The following CTBS variants were observed in gnomAD, a reference collection of about 807,000 sequenced individuals.
The protein encoded by CTBS is chitobiase.
A neutral mutation model predicts 44.3 loss-of-function variants in CTBS; 35 were observed. The ratio of observed to expected loss-of-function variants is 0.79; its 90% CI spans 0.60 to 1.05. The LOEUF is 1.05. Ranked by LOEUF, CTBS falls within the 50% of genes least tolerant of loss-of-function variation. The pLI, the probability that CTBS is intolerant of heterozygous loss-of-function variation, is 0.00. For missense variants in CTBS, 458 were observed against 475.3 expected (o/e 0.96, Z 0.34); for synonymous variants, 143 against 168.0 (o/e 0.85, Z 1.15).
chr1:84,563,873 A>G lies in CTBS; in HGVS notation c.698-41T>C, dbSNP rs553181274. 16 of 1,585,444 alleles carry G rather than the reference A, an allele frequency of 1.0e-5. No homozygotes were observed. In the African/African-American group the frequency reaches 1.6e-4, roughly 16 times the overall value. On this transcript the variant is annotated intron_variant, in intron 4 of 6. Coordinates refer to ENST00000370630, the MANE Select transcript of CTBS (RefSeq NM_004388.3). ...AGAAAAAGCATATTTGTTTCTCTTC[A>G]TATGTCAATGTGTTCATACAAGCTA...
chr1:84,567,720 T>C (rs1042150693), intron 3 of CTBS, among the ~76,000 whole-genome samples: 7 of 152,092 alleles, frequency 4.6e-5, no homozygotes, highest in Non-Finnish European at 1.0e-4. Flanking sequence ...TTTAAAAACC[T>C]TGGGGCCATT....
intron 4 of CTBS, among the ~76,000 whole-genome samples, chr1:84,565,585 G>A (rs1310496999): frequency 6.6e-6 from 1 of 152,120 alleles, no homozygotes; most frequent in Non-Finnish European, 1.5e-5. Context: ...ATGCAATCAT[G>A]AGCAGTTAAT....
In CTBS at chr1:84,550,476, C is replaced by T; in HGVS notation, c.*4523G>A. ...TCACTGAGGTACAGCATGCAATTGA[C>T]CAGCTTAAGAGAAAACTAGATACTG... On this transcript the variant is annotated 3_prime_UTR_variant, in exon 7 of 7. Transcript: ENST00000370630. 6.4e-7 allele frequency: 1 copy of T among 1,567,480 alleles called. No homozygotes were observed. Among genetic ancestry groups the T allele is most frequent in the South Asian group, 1.2e-5 (1 of 83,102 alleles).
At chr1:84,561,728 A>G (rs761579026) in intron 6 of CTBS, among the ~76,000 whole-genome samples, 6 of 152,190 alleles carry the variant, frequency 3.9e-5, no homozygotes, top group Non-Finnish European at 7.3e-5. Context: ...GCAGCCATCA[A>G]TGACAAGGCA....
At chr1:84,563,867 C>G in intron 4 of CTBS, 35 bp from the exon 5 acceptor site, 1 of 1,590,686 alleles carries the variant, frequency 6.3e-7, no homozygotes, top group South Asian at 1.2e-5. Context: ...ATATTTGTTT[C>G]TCTTCATATG....
At chr1:84,565,772 A>G (rs1429236453) in intron 4 of CTBS, 69 bp downstream of exon 4, 1 of 889,272 alleles carries the variant, frequency 1.1e-6, no homozygotes, top group Non-Finnish European at 1.5e-6. Context: ...AATACTAAAA[A>G]CATCTTAATA....
Position 84,551,303 on chromosome 1 carries a change from C to A in CTBS, c.*3696G>T. 1.0e-6 allele frequency: 1 copy of A among 974,932 alleles called. No individual in the cohort carries two copies. The highest frequency in any genetic ancestry group is 1.2e-6 in the Non-Finnish European group (1 of 820,750). The allele number at this position is 974,932 out of a possible 1,614,324, so 60.4% of individuals were successfully genotyped here. Reference sequence around the variant, plus strand: ...AATAATGACTGCATTCTAGAATTAGCTCTTTTTAAAAAAATTTTAAAAAGA... The same window carrying A: ...AATAATGACTGCATTCTAGAATTAGATCTTTTTAAAAAAATTTTAAAAAGA... On this transcript the variant is annotated 3_prime_UTR_variant, in exon 7 of 7. Coordinates refer to ENST00000370630, the MANE Select transcript of CTBS (RefSeq NM_004388.3).
intron 6 of CTBS, among the ~76,000 whole-genome samples, chr1:84,558,132 T>G (rs1392920765): frequency 6.6e-6 from 1 of 152,088 alleles, no homozygotes; most frequent in African/African-American, 2.4e-5. Flanking sequence ...ATGTTGAAAA[T>G]TCCTAAGAGA....
chr1:84,561,203 A>C (rs1478995622), intron 6 of CTBS, among the ~76,000 whole-genome samples: 24 of 152,216 alleles, frequency 1.6e-4, no homozygotes. Context: ...TCAAAATATC[A>C]ACATTAACAG....
At position 84,550,672 on chromosome 1, in the gene CTBS, T is replaced by C; in HGVS notation, c.*4327A>G. 8.2e-6 allele frequency: 10 copies of C among 1,214,734 alleles called. No homozygotes were observed. Among genetic ancestry groups the C allele is most frequent in the Non-Finnish European group, 1.0e-5 (10 of 967,802 alleles). 75.2% of individuals were successfully genotyped at this position (1,214,734 alleles called of 1,614,324 possible). ...ATTGTTACCTTAACAGTAAAGAGCA[T>C]AGGTGAAAAAAAAAATGCAGGAAGA... On this transcript the variant is annotated 3_prime_UTR_variant, in exon 7 of 7. Coordinates refer to ENST00000370630, the MANE Select transcript of CTBS (RefSeq NM_004388.3).
In CTBS at chr1:84,570,136, T is replaced by G. The variant is rs1558631867; in HGVS notation, c.320A>C (p.Asp107Ala). 3 of 1,608,288 alleles carry G rather than the reference T, an allele frequency of 1.9e-6. No homozygotes were observed. Among genetic ancestry groups the G allele is most frequent in the South Asian group, 2.2e-5 (2 of 90,162 alleles). ...SKGARVVLKG[D>A]VSLKDIIDPA... ...ATCAATGATATCCTTTAAGGATACA[T>G]CTCCTGTGGAAGAAGTATATATCTT... The change falls in exon 3 of 7, where the codon GAT becomes GCT. Residue 107 changes from aspartate to alanine, a missense_variant. Coordinates refer to ENST00000370630, the MANE Select transcript of CTBS (RefSeq NM_004388.3).
Position 84,551,111 on chromosome 1 carries a change from T to G in CTBS, c.*3888A>C. The stretch of plus-strand genomic sequence containing the variant: ...TGAGAATTGTGTACAACTAATTACA[T>G]CATAGAAATTATCTGTGAAGTACAT... On this transcript the variant is annotated 3_prime_UTR_variant, in exon 7 of 7. Coordinates refer to ENST00000370630, the MANE Select transcript of CTBS (RefSeq NM_004388.3). The G allele has an allele frequency of 2.0e-6, 2 of 985,238 alleles. No homozygotes were observed. Among genetic ancestry groups the G allele is most frequent in the Non-Finnish European group, 2.4e-6 (2 of 829,840 alleles). 61.0% of individuals were successfully genotyped at this position (985,238 alleles called of 1,614,324 possible). A position where few individuals can be genotyped will look rare whatever the true frequency, so the allele number is the denominator to read the frequency against.
chr1:84,566,066 G>T, intron 3 of CTBS, 54 bp from the exon 4 acceptor site: 1 of 1,130,982 alleles, frequency 8.8e-7, no homozygotes, highest in Non-Finnish European at 1.2e-6. Context: ...TGCATATTAC[G>T]TCAGATTTTT....
In CTBS at chr1:84,552,854, T is replaced by C. The variant is rs1050259827; in HGVS notation, c.*2145A>G. The C allele has an allele frequency of 9.5e-6, 5 of 525,288 alleles. No individual in the cohort carries two copies. Among genetic ancestry groups the C allele is most frequent in the African/African-American group, 2.0e-5 (1 of 50,676 alleles). 32.5% of individuals were successfully genotyped at this position (525,288 alleles called of 1,614,324 possible). A position where few individuals can be genotyped will look rare whatever the true frequency, so the allele number is the denominator to read the frequency against. On this transcript the variant is annotated 3_prime_UTR_variant, in exon 7 of 7. Coordinates refer to ENST00000370630, the MANE Select transcript of CTBS (RefSeq NM_004388.3). Reference sequence around the variant, plus strand: ...TATCTCACCAGTAGATAAGCATGCTTATTAAACAGCATTCATAATCTACAC... The same window carrying C: ...TATCTCACCAGTAGATAAGCATGCTCATTAAACAGCATTCATAATCTACAC...
rs775376544 is a variant in CTBS at position 84,566,033 on chromosome 1, A to G, written c.526-21T>C. 4.8e-6 allele frequency: 7 copies of G among 1,467,192 alleles called. No homozygotes were observed. In the South Asian group the frequency reaches 6.0e-5, roughly 13 times the overall value. 90.9% of individuals were successfully genotyped at this position (1,467,192 alleles called of 1,614,324 possible). A position where few individuals can be genotyped will look rare whatever the true frequency, so the allele number is the denominator to read the frequency against. ...GTTACCTGTGGAAAAAAATCTTACT[A>G]TTTTATGTAATATGATCACGTGTGC... On this transcript the variant is annotated intron_variant, in intron 3 of 6. Coordinates refer to ENST00000370630, the MANE Select transcript of CTBS (RefSeq NM_004388.3).
At chr1:84,563,952 A>G in intron 4 of CTBS, 120 bp from the exon 5 acceptor site, 2 of 1,096,936 alleles carry the variant, frequency 1.8e-6, no homozygotes, top group South Asian at 6.3e-5. Flanking sequence ...AAAAACACTA[A>G]TATTGTTTAA....
At position 84,563,325 on chromosome 1, in the gene CTBS, G is replaced by A; in HGVS notation, c.889C>T (p.Gln297Ter). The A allele has an allele frequency of 1.3e-6, 2 of 1,598,692 alleles. No homozygotes were observed. Among genetic ancestry groups the A allele is most frequent in the Non-Finnish European group, 1.7e-6 (2 of 1,172,948 alleles). Residue 297 changes from glutamine (Q) to a stop codon, truncating the protein, a stop_gained, in exon 6 of 7, where the codon CAA becomes TAA. Coordinates refer to ENST00000370630, the MANE Select transcript of CTBS (RefSeq NM_004388.3). LOFTEE classifies it high-confidence loss of function. ...TTTCCAGAAATAGAACTATTTATTT[G>A]CTTCATGATCGTTTTGTAGGGCACC... ...RQVPYKTIMK[Q>*]INSSISGNLW...
In CTBS at chr1:84,552,415, T is replaced by TTTG. The variant is rs1684301889; in HGVS notation, c.*2583_*2584insCAA. 1 of 152,196 alleles carries TTTG rather than the reference T, an allele frequency of 6.6e-6. No homozygotes were observed. Among genetic ancestry groups the TTTG allele is most frequent in the Non-Finnish European group, 1.5e-5 (1 of 68,050 alleles). The allele number at this position is 152,196 out of a possible 1,614,324, so 9.4% of individuals were successfully genotyped here. A position where few individuals can be genotyped will look rare whatever the true frequency, so the allele number is the denominator to read the frequency against. On this transcript the variant is annotated 3_prime_UTR_variant, in exon 7 of 7. Coordinates refer to ENST00000370630, the MANE Select transcript of CTBS (RefSeq NM_004388.3). ...ACACTTGGAATAGTAAGGGCTCTGGTACCAGGTGGTTTGAATTTGAATCCT... is the reference window on the plus strand; with the variant it reads ...ACACTTGGAATAGTAAGGGCTCTGGTTTGACCAGGTGGTTTGAATTTGAATCCT...
At chr1:84,564,291 A>G (rs1684647859) in intron 4 of CTBS, among the ~76,000 whole-genome samples, 1 of 152,230 alleles carries the variant, frequency 6.6e-6, no homozygotes, top group Non-Finnish European at 1.5e-5. Context: ...AGCTGGGGAT[A>G]AGAAATGTGT....
Sources: allele counts gnomAD v4.1 joint callset (sites outside exome capture counted in the v4.1 genomes callset), GRCh38; gene constraint gnomAD v4.1.1; transcripts MANE v1.5; gene names NCBI Gene and HGNC (gene_info 2026-07-23, HGNC 2026-07-21).